The following PTPRK variants were observed in gnomAD, a reference collection of about 807,000 sequenced individuals.
PTPRK encodes the protein protein tyrosine phosphatase receptor type K, also known as receptor-type tyrosine-protein phosphatase kappa.
Under a neutral mutation model 178.0 loss-of-function variants are expected in PTPRK, and 75 were observed. The ratio of observed to expected loss-of-function variants is 0.42; its 90% CI spans 0.35 to 0.51. The LOEUF is 0.51. Among genes scored for constraint, PTPRK ranks in the 20% least tolerant of loss-of-function variants. PTPRK has a pLI of 0.02. For synonymous variants in PTPRK, 637 were observed against 620.6 expected (o/e 1.03, Z -0.39); for missense variants, 1,441 against 1,797.8 (o/e 0.80, Z 3.59).
intron 3 of PTPRK, among the ~76,000 whole-genome samples, chr6:128,311,090 T>TA (rs1827174365): frequency 6.6e-6 from 1 of 152,128 alleles, no homozygotes; most frequent in Non-Finnish European, 1.5e-5. Flanking sequence ...AATAGACTTT[T>TA]AAAAAATATG....
chr6:128,083,921 T>C (rs1238364759), intron 8 of PTPRK, 97 bp from the exon 9 acceptor site: 3 of 510,516 alleles, frequency 5.9e-6, no homozygotes, highest in Non-Finnish European at 9.7e-6. Context: ...AAAATAAATA[T>C]AAAGAAAAAT....
At chr6:128,339,437 T>C (rs1831372708) in intron 2 of PTPRK, among the ~76,000 whole-genome samples, 2 of 152,168 alleles carry the variant, frequency 1.3e-5, no homozygotes, top group Non-Finnish European at 2.9e-5. Flanking sequence ...AGCCATCTAC[T>C]AATGTATTTT....
At chr6:128,314,538 A>T (rs759671101) in intron 3 of PTPRK, among the ~76,000 whole-genome samples, 86 of 152,220 alleles carry the variant, frequency 5.6e-4, no homozygotes, top group Non-Finnish European at 9.0e-4. Context: ...TGATTCCCAA[A>T]TCTTTTCAAT....
At chr6:128,186,265 A>G (rs1242370941) in intron 6 of PTPRK, among the ~76,000 whole-genome samples, 4 of 152,222 alleles carry the variant, frequency 2.6e-5, no homozygotes, top group Non-Finnish European at 1.5e-5. Flanking sequence ...TGAATGTAAT[A>G]TCAATATTTT....
chr6:128,117,878 C>T (rs1791807706), intron 7 of PTPRK, among the ~76,000 whole-genome samples: 1 of 152,226 alleles, frequency 6.6e-6, no homozygotes, highest in Non-Finnish European at 1.5e-5. Flanking sequence ...GTCTCGAACT[C>T]CTGACCTCAG....
intron 1 of PTPRK, among the ~76,000 whole-genome samples, chr6:128,403,743 T>C (rs8180639): frequency 0.97 from 148,243 of 152,296 alleles, 72,259 homozygotes; most frequent in East Asian, 1. Context: ...ATAGTTTATA[T>C]GAAGGCAATA....
chr6:128,279,175 G>A (rs12055766), intron 3 of PTPRK, among the ~76,000 whole-genome samples: 6,338 of 150,128 alleles, frequency 0.042, 374 homozygotes, highest in East Asian at 0.33. Context: ...CAAATCCCTG[G>A]GAGAACAAGT....
Position 127,985,792 on chromosome 6 carries a change from C to T in PTPRK, c.3180G>A (p.Gly1060=), listed in dbSNP as rs758933245. 1 of 1,613,914 alleles carries T rather than the reference C, an allele frequency of 6.2e-7. No homozygotes were observed. The highest frequency in any genetic ancestry group is 1.1e-5 in the South Asian group (1 of 91,070). The part of the protein sequence containing the change: ...PDHGVPYHAT[G]LLSFIRRVKL... ...TGACTCGCCGGATAAAGGAAAGCAG[C>T]CCTGTAGCATGGTAGGGCACTCCAT... The change falls in exon 22 of 30, where the codon GGG becomes GGA. Residue 1060 remains glycine, a synonymous_variant. Transcript: ENST00000368226.
chr6:128,410,969 G>A (rs751169480), intron 1 of PTPRK, among the ~76,000 whole-genome samples: 2 of 152,296 alleles, frequency 1.3e-5, no homozygotes, highest in Middle Eastern at 3.4e-3. Context: ...TTGGCTCACT[G>A]CAGCCTCAAC....
At position 128,105,733 on chromosome 6, in the gene PTPRK, T is replaced by C. The variant is rs978352995; in HGVS notation, c.1163-15741A>G. Among the ~76,000 whole-genome samples the C allele has an allele frequency of 4.6e-5, 7 of 152,206 alleles. No individual in the cohort carries two copies. In the East Asian group the frequency reaches 1.2e-3, roughly 25 times the overall value. On this transcript the variant is annotated intron_variant, in intron 7 of 29. Transcript: ENST00000368226. ...ACAACTGATTTTTTTCAGGTTACACTCTAGAACAGATGCTGCCATTTAATG... is the reference window on the plus strand; with the variant it reads ...ACAACTGATTTTTTTCAGGTTACACCCTAGAACAGATGCTGCCATTTAATG...
intron 1 of PTPRK, among the ~76,000 whole-genome samples, chr6:128,456,411 T>C (rs564623116): frequency 5.9e-5 from 9 of 152,040 alleles, no homozygotes; most frequent in African/African-American, 2.2e-4. Flanking sequence ...AATTTGTAAG[T>C]AGGAATCAAA....
intron 3 of PTPRK, among the ~76,000 whole-genome samples, chr6:128,272,606 A>C (rs1820030413): frequency 6.6e-6 from 1 of 152,218 alleles, no homozygotes; most frequent in South Asian, 2.1e-4. Context: ...ACACGTGAAA[A>C]AATGCTCAGC....
intron 13 of PTPRK, chr6:128,062,455 C>A (rs1009959607): frequency 1.0e-4 from 17 of 166,826 alleles, no homozygotes; most frequent in African/African-American, 3.9e-4. Flanking sequence ...ATATATTAGA[C>A]CAGGGCAGAA....
At chr6:128,407,943 T>C (rs1397250002) in intron 1 of PTPRK, among the ~76,000 whole-genome samples, 4 of 152,342 alleles carry the variant, frequency 2.6e-5, no homozygotes, top group South Asian at 2.1e-4. Flanking sequence ...TGAAGTCTGG[T>C]ATCTTCTCTG....
chr6:128,233,750 C>G (rs1562838468), intron 5 of PTPRK, among the ~76,000 whole-genome samples: 1 of 152,288 alleles, frequency 6.6e-6, no homozygotes, highest in East Asian at 1.9e-4. Context: ...GGCCCAATTG[C>G]CACAGTTTTG....
chr6:128,119,982 T>A (rs1477580751), intron 7 of PTPRK, among the ~76,000 whole-genome samples: 4 of 152,004 alleles, frequency 2.6e-5, no homozygotes, highest in Non-Finnish European at 5.9e-5. Context: ...TAAATGTTTT[T>A]TCCAGTCTCA....
intron 10 of PTPRK, 118 bp from the exon 11 acceptor site, chr6:128,079,036 G>T: frequency 1.8e-6 from 1 of 570,790 alleles, no homozygotes; most frequent in Non-Finnish European, 3.1e-6. Flanking sequence ...TATCTACAAC[G>T]TATTTTGTTT....
chr6:128,109,820 T>G (rs1403399101), intron 7 of PTPRK, among the ~76,000 whole-genome samples: 5 of 152,092 alleles, frequency 3.3e-5, no homozygotes, highest in African/African-American at 1.2e-4. Context: ...ATTGATAATT[T>G]TATTCCCCCA....
At chr6:128,320,237 A>G (rs888878216) in intron 3 of PTPRK, among the ~76,000 whole-genome samples, 1 of 152,202 alleles carries the variant, frequency 6.6e-6, no homozygotes, top group Non-Finnish European at 1.5e-5. Context: ...TCCAGTTCAA[A>G]TTACTGTAAC....
Sources: allele counts gnomAD v4.1 joint callset (sites outside exome capture counted in the v4.1 genomes callset), GRCh38; gene constraint gnomAD v4.1.1; transcripts MANE v1.5; gene names NCBI Gene and HGNC (gene_info 2026-07-23, HGNC 2026-07-21).